Variants in ASGR1 observed in about 807,000 individuals in gnomAD.
ASGR1 encodes the protein C-type lectin domain family 4 member H1.
ASGR1 carries 35 observed loss-of-function variants against 33.1 expected under a neutral mutation model. That is an observed-to-expected ratio of 1.06 (90% CI 0.81 to 1.40). The LOEUF (loss-of-function observed/expected upper bound fraction) is 1.40. Among genes scored for constraint, ASGR1 ranks in the 40% most tolerant of loss-of-function variants. ASGR1 has a pLI of 0.00. For missense variants in ASGR1, 396 were observed against 373.7 expected, an observed-to-expected ratio of 1.06 and a Z score of -0.49; for synonymous variants, 142 against 152.5, an observed-to-expected ratio of 0.93 and a Z score of 0.51.
intron 2 of ASGR1, 119 bp downstream of exon 2, chr17:7,178,375 G>A: frequency 9.4e-7 from 1 of 1,061,978 alleles, no homozygotes; most frequent in East Asian, 2.4e-5. Flanking sequence ...CCCAGTGTTG[G>A]GGGAGGGAGA....
Position 7,173,453 on chromosome 17 carries a change from C to G in ASGR1, c.*206G>C. The G allele has an allele frequency of 2.0e-6, 1 of 501,078 alleles. No homozygotes were observed. Among genetic ancestry groups the G allele is most frequent in the South Asian group, 2.1e-5 (1 of 46,694 alleles). 31.0% of individuals were successfully genotyped at this position (501,078 alleles called of 1,614,324 possible). A position where few individuals can be genotyped will look rare whatever the true frequency, so the allele number is the denominator to read the frequency against. On this transcript the variant is annotated 3_prime_UTR_variant, in exon 9 of 9. Transcript: ENST00000269299. This position sits in a 1 kb window ranked among gnomAD's most constrained non-coding sequence, Gnocchi z 4.7. ...AGGTTTAGGTATATTTCTTTTTACT[C>G]TTAAAAAAAAAAAGTTCACAATGAT...
intron 1 of ASGR1, 45 bp from the exon 2 acceptor site, chr17:7,178,633 A>G (rs1178498695): frequency 7.0e-7 from 1 of 1,431,724 alleles, no homozygotes; most frequent in African/African-American, 1.4e-5. Flanking sequence ...GCTCACCAGG[A>G]CTAGAGTGGG....
chr17:7,178,369 G>C (rs1328685269), intron 2 of ASGR1, 125 bp downstream of exon 2: 1 of 1,008,002 alleles, frequency 9.9e-7, no homozygotes, highest in East Asian at 2.4e-5. Context: ...ACCTTTCCCA[G>C]TGTTGGGGGA....
At position 7,176,348 on chromosome 17, in the gene ASGR1, TCA is replaced by T. The variant is rs533001141; in HGVS notation, c.355+480_355+481del. The stretch of plus-strand genomic sequence containing the variant: ...ACCCCTCATTCTCACACTCTCACAC[TCA>T]CAGACACACACACCCCATCTCATTC... On this transcript the variant is annotated intron_variant, in intron 5 of 8. Coordinates refer to ENST00000269299, the MANE Select transcript of ASGR1 (RefSeq NM_001671.5). 9.1e-4 allele frequency among the ~76,000 whole-genome samples: 122 copies of T among 134,748 alleles called. 1 individual carries two copies. The highest frequency in any genetic ancestry group is 3.9e-3 in the East Asian group (16 of 4,104). 88.4% of individuals were successfully genotyped at this position (134,748 alleles called of 152,430 possible).
Position 7,173,454 on chromosome 17 carries a change from T to TG in ASGR1, c.*204_*205insC. 1.9e-6 allele frequency: 1 copy of TG among 538,876 alleles called. No homozygotes were observed. Among genetic ancestry groups the TG allele is most frequent in the Non-Finnish European group, 2.9e-6 (1 of 341,602 alleles). The allele number at this position is 538,876 out of a possible 1,614,324, so 33.4% of individuals were successfully genotyped here. ...GGTTTAGGTATATTTCTTTTTACTCTTAAAAAAAAAAAGTTCACAATGATA... is the reference window on the plus strand; with the variant it reads ...GGTTTAGGTATATTTCTTTTTACTCTGTAAAAAAAAAAAGTTCACAATGATA... On this transcript the variant is annotated 3_prime_UTR_variant, in exon 9 of 9. Transcript: ENST00000269299. The surrounding 1 kb of genome is among the most constrained non-coding windows in gnomAD (Gnocchi z 4.7).
Position 7,177,242 on chromosome 17 carries a change from A to T in ASGR1, c.155T>A (p.Leu52Gln). The change falls in exon 3 of 9, where the codon CTG becomes CAG. Residue 52 changes from leucine (L) to glutamine (Q), a missense_variant. Leu to Gln is a moderately radical substitution (Grantham distance 113, BLOSUM62 -2). Transcript: ENST00000269299. ...LLLSLGLSLLLLVVVCVIGSQ... is the reference protein window; with the variant it reads ...LLLSLGLSLLQLVVVCVIGSQ... ...TCCGATCACACAGACAACCACAAGC[A>T]GCAGGAGGCTGAGGCCCAGGGAGAG... is the stretch of plus-strand genomic sequence containing the variant. 6.2e-7 allele frequency: 1 copy of T among 1,613,594 alleles called. No individual in the cohort carries two copies. The highest frequency in any genetic ancestry group is 8.5e-7 in the Non-Finnish European group (1 of 1,179,932).
chr17:7,176,942 G>GC, intron 4 of ASGR1, 39 bp downstream of exon 4: 1 of 1,570,480 alleles, frequency 6.4e-7, no homozygotes, highest in Non-Finnish European at 8.7e-7. Flanking sequence ...CAGCCCCCCA[G>GC]CCCCAGCCCC....
chr17:7,176,344 ACACT>A lies in ASGR1; in HGVS notation c.355+482_355+485del, dbSNP rs1378802722. Among the ~76,000 whole-genome samples the A allele has an allele frequency of 6.8e-5, 10 of 146,458 alleles. No homozygotes were observed. In the South Asian group the frequency reaches 8.7e-4, roughly 13 times the overall value. ...AAACACCCCTCATTCTCACACTCTC[ACACT>A]CACAGACACACACACCCCATCTCAT... is the stretch of plus-strand genomic sequence containing the variant. On this transcript the variant is annotated intron_variant, in intron 5 of 8. Transcript: ENST00000269299.
In ASGR1 at chr17:7,176,869, C is replaced by CT; in HGVS notation, c.315dup (p.Glu106ArgfsTer13). ...TTCTGCTGTTTCTCCAGCTGGGACT[C>CT]TAGCGACTTCATCTTTCTTCCCACA... On this transcript the variant is annotated frameshift_variant, in exon 5 of 9. Transcript: ENST00000269299. LOFTEE classifies it high-confidence loss of function. 1 of 1,613,290 alleles carries CT rather than the reference C, an allele frequency of 6.2e-7. No individual in the cohort carries two copies. Among genetic ancestry groups the CT allele is most frequent in the Non-Finnish European group, 8.5e-7 (1 of 1,180,008 alleles).
intron 1 of ASGR1, 40 bp from the exon 2 acceptor site, chr17:7,178,628 C>G: frequency 6.8e-7 from 1 of 1,474,538 alleles, no homozygotes; most frequent in Non-Finnish European, 9.4e-7. Context: ...TGGGGGCTCA[C>G]CAGGACTAGA....
At chr17:7,176,247 A>C (rs1597423238) in intron 5 of ASGR1, among the ~76,000 whole-genome samples, 3 of 126,092 alleles carry the variant, frequency 2.4e-5, no homozygotes, top group Middle Eastern at 5.3e-3. Context: ...AGACACACAC[A>C]CCCCATCTCA....
chr17:7,176,723 C>A, intron 5 of ASGR1, 107 bp downstream of exon 5: 1 of 1,495,310 alleles, frequency 6.7e-7, no homozygotes, highest in East Asian at 2.3e-5. Flanking sequence ...CACACACTCC[C>A]TCTCATTCTC....
intron 5 of ASGR1, 170 bp downstream of exon 5, chr17:7,176,658 CAT>C (rs1210748103): frequency 4.5e-6 from 4 of 895,224 alleles, no homozygotes; most frequent in Non-Finnish European, 6.8e-6. Flanking sequence ...ACAAGGCTCT[CAT>C]ACACACACCC....
At chr17:7,176,634 A>G in intron 5 of ASGR1, 196 bp downstream of exon 5, 1 of 691,908 alleles carries the variant, frequency 1.4e-6, no homozygotes, top group South Asian at 1.8e-5. Context: ...ACTCCCTCTC[A>G]TTCTCACATC....
rs750559574 is a variant in ASGR1, at chr17:7,174,175, T to A, written c.557A>T (p.Asp186Val). Residue 186 changes from aspartate (D) to valine (V), a missense_variant, in exon 7 of 9, where the codon GAC becomes GTC. Transcript: ENST00000269299. ...GGACGTGACCACCACCAGGTGCGCG[T>A]CCTCCAGCCGGCAGTAGTTGTCGGC... ...ADADNYCRLE[D>V]AHLVVVTSWE... The A allele has an allele frequency of 6.2e-7, 1 of 1,614,102 alleles. No individual in the cohort carries two copies.
intron 5 of ASGR1, among the ~76,000 whole-genome samples, chr17:7,175,385 A>C (rs1050667296): frequency 7.1e-6 from 1 of 139,948 alleles, no homozygotes; most frequent in Non-Finnish European, 1.6e-5. Flanking sequence ...ACACACACAA[A>C]AACCACAACA....
chr17:7,173,835 T>G lies in ASGR1; in HGVS notation c.702-2A>C, dbSNP rs759605507. 1.6e-5 allele frequency: 25 copies of G among 1,609,760 alleles called. No individual in the cohort carries two copies. Among genetic ancestry groups the G allele is most frequent in the Non-Finnish European group, 2.0e-5 (24 of 1,179,074 alleles). ...TCCGGCTGCTCCGGCCTCCAGTTCCTGGGGACAGAGCCAGCTGTGGGCCCC... is the reference window on the plus strand; with the variant it reads ...TCCGGCTGCTCCGGCCTCCAGTTCCGGGGGACAGAGCCAGCTGTGGGCCCC... On this transcript the variant is annotated splice_acceptor_variant, in intron 8 of 8. Coordinates refer to ENST00000269299, the MANE Select transcript of ASGR1 (RefSeq NM_001671.5). LOFTEE classifies it high-confidence loss of function. The surrounding 1 kb of genome is among the most constrained non-coding windows in gnomAD (Gnocchi z 4.7).
chr17:7,173,595 C>T lies in ASGR1; in HGVS notation c.*64G>A, dbSNP rs2069159017. 6.3e-7 allele frequency: 1 copy of T among 1,598,590 alleles called. No individual in the cohort carries two copies. Among genetic ancestry groups the T allele is most frequent in the African/African-American group, 1.3e-5 (1 of 74,492 alleles). On this transcript the variant is annotated 3_prime_UTR_variant, in exon 9 of 9. Coordinates refer to ENST00000269299, the MANE Select transcript of ASGR1 (RefSeq NM_001671.5). This position sits in a 1 kb window ranked among gnomAD's most constrained non-coding sequence, Gnocchi z 4.7. ...AAAATTCCCGAGAAAGCAGAAGAGG[C>T]CCCCAGATGGGCGGATTCCCAATCC...
At chr17:7,174,322 C>G (rs759635816) in intron 6 of ASGR1, 33 bp from the exon 7 acceptor site, 3 of 1,613,446 alleles carry the variant, frequency 1.9e-6, no homozygotes, top group African/African-American at 2.7e-5. Context: ...AGGGGCTAAG[C>G]GCTGCCCAGA....
Sources: gnomAD v4.1 joint callset for allele counts (sites outside exome capture counted in the v4.1 genomes callset) on GRCh38, gnomAD v4.1.1 for gene constraint, Gnocchi (gnomAD v3.1) non-coding constraint, MANE v1.5 for transcripts, NCBI Gene and HGNC (gene_info 2026-07-23, HGNC 2026-07-21) for gene names.